ADAMTS6: variants seen among roughly 807,000 people sequenced by gnomAD.
The protein encoded by ADAMTS6 is A disintegrin and metalloproteinase with thrombospondin motifs 6.
ADAMTS6 carries 23 observed loss-of-function variants against 144.3 expected under a neutral mutation model. The observed-to-expected ratio is 0.16, with a 90% CI of 0.11 to 0.23. The LOEUF (loss-of-function observed/expected upper bound fraction) is 0.23, where lower values mean the gene tolerates loss of function less well. Ranked by LOEUF, ADAMTS6 falls within the 10% of genes least tolerant of loss-of-function variation. The probability of loss-of-function intolerance (pLI) is 1.00; values close to 1 mark genes in which losing one functional copy is unlikely to be tolerated. For missense variants in ADAMTS6, 999 were observed against 1,379.6 expected, an observed-to-expected ratio of 0.72 and a Z score of 4.37; for synonymous variants, 444 against 457.5, an observed-to-expected ratio of 0.97 and a Z score of 0.38.
intron 9 of ADAMTS6, among the ~76,000 whole-genome samples, 196 bp downstream of exon 9, chr5:65,329,182 T>C (rs1580409885): frequency 6.6e-6 from 1 of 152,180 alleles, no homozygotes; most frequent in East Asian, 1.9e-4. Flanking sequence ...TACTACTCTT[T>C]GAATAACAAA....
At chr5:65,400,898 G>A (rs566544748) in intron 7 of ADAMTS6, among the ~76,000 whole-genome samples, 7 of 151,944 alleles carry the variant, frequency 4.6e-5, no homozygotes, top group Non-Finnish European at 7.4e-5. Context: ...CTTTCTTTTC[G>A]GCTCTTTCTT....
chr5:65,333,609 T>C (rs1018091087), intron 8 of ADAMTS6, among the ~76,000 whole-genome samples: 11 of 151,784 alleles, frequency 7.2e-5, no homozygotes, highest in African/African-American at 2.7e-4. Flanking sequence ...TCCTTAGTTG[T>C]GTTTTTTTTT....
At chr5:65,313,148 C>T (rs1021598077) in intron 9 of ADAMTS6, among the ~76,000 whole-genome samples, 24 of 125,452 alleles carry the variant, frequency 1.9e-4, no homozygotes, top group Non-Finnish European at 3.4e-4. Context: ...CACACACACA[C>T]ACACACACAC....
chr5:65,439,541 A>G (rs1757711145), intron 7 of ADAMTS6, among the ~76,000 whole-genome samples: 1 of 152,186 alleles, frequency 6.6e-6, no homozygotes, highest in Non-Finnish European at 1.5e-5. Flanking sequence ...AAATTGCTAT[A>G]TACTCTTTTA....
At chr5:65,352,637 C>T (rs1748968907) in intron 7 of ADAMTS6, among the ~76,000 whole-genome samples, 1 of 152,024 alleles carries the variant, frequency 6.6e-6, no homozygotes, top group Non-Finnish European at 1.5e-5. Flanking sequence ...AGGTAAGACA[C>T]AGTAATATCA....
chr5:65,471,831 G>A (rs10061042), intron 2 of ADAMTS6, among the ~76,000 whole-genome samples: 24,891 of 151,858 alleles, frequency 0.16, 3,978 homozygotes, highest in African/African-American at 0.42. Context: ...ACCACTTTGA[G>A]AAACAGTCTG....
At chr5:65,174,968 C>T (rs1201405342) in intron 22 of ADAMTS6, among the ~76,000 whole-genome samples, 1 of 152,054 alleles carries the variant, frequency 6.6e-6, no homozygotes, top group Non-Finnish European at 1.5e-5. Flanking sequence ...ATAGACTGGC[C>T]AGCATTAGAG....
intron 24 of ADAMTS6, among the ~76,000 whole-genome samples, chr5:65,154,743 G>A (rs557819839): frequency 9.0e-4 from 137 of 152,318 alleles, no homozygotes; most frequent in African/African-American, 3.0e-3. Context: ...CATGGCACCT[G>A]GCTCAGAGTA....
chr5:65,257,562 G>A (rs550469005), intron 14 of ADAMTS6, among the ~76,000 whole-genome samples: 1 of 152,138 alleles, frequency 6.6e-6, no homozygotes, highest in Admixed American at 6.5e-5. Flanking sequence ...CGTTTTTCTT[G>A]ATTTATTGTT....
intron 24 of ADAMTS6, among the ~76,000 whole-genome samples, chr5:65,158,840 G>C (rs753424073): frequency 2.6e-5 from 4 of 151,966 alleles, no homozygotes; most frequent in Non-Finnish European, 5.9e-5. Context: ...TTTCCCTCTT[G>C]CTATTTTAAT....
chr5:65,227,844 G>A (rs1242762751), intron 15 of ADAMTS6, among the ~76,000 whole-genome samples: 1 of 151,856 alleles, frequency 6.6e-6, no homozygotes, highest in Non-Finnish European at 1.5e-5. Flanking sequence ...TCAAAGTTTT[G>A]TTACAAAAAA....
intron 9 of ADAMTS6, among the ~76,000 whole-genome samples, chr5:65,320,409 A>T (rs370674410): frequency 6.6e-6 from 1 of 152,212 alleles, no homozygotes; most frequent in East Asian, 1.9e-4. Flanking sequence ...TAATAAAGAA[A>T]TTAAATTTTT....
chr5:65,374,364 T>A (rs953616807), intron 7 of ADAMTS6, among the ~76,000 whole-genome samples: 1 of 149,020 alleles, frequency 6.7e-6, no homozygotes, highest in South Asian at 2.1e-4. Flanking sequence ...AAAACCCCAC[T>A]GTCTCAGCCC....
chr5:65,274,260 G>T (rs1188087143), intron 11 of ADAMTS6, among the ~76,000 whole-genome samples: 1 of 151,834 alleles, frequency 6.6e-6, no homozygotes, highest in Non-Finnish European at 1.5e-5. Context: ...TACATAAAGG[G>T]TTTCAACCGC....
chr5:65,437,207 G>T (rs189934290), intron 7 of ADAMTS6, among the ~76,000 whole-genome samples: 7 of 151,350 alleles, frequency 4.6e-5, no homozygotes, highest in African/African-American at 1.7e-4. Flanking sequence ...CCATTCTTCT[G>T]CCTCAGCCTC....
intron 9 of ADAMTS6, among the ~76,000 whole-genome samples, chr5:65,305,608 C>G (rs1743866750): frequency 6.6e-6 from 1 of 152,130 alleles, no homozygotes; most frequent in Admixed American, 6.5e-5. Flanking sequence ...ACCTCGGGCC[C>G]ACCCCAATGG....
intron 9 of ADAMTS6, among the ~76,000 whole-genome samples, chr5:65,315,819 T>C (rs1744936027): frequency 1.3e-5 from 2 of 152,186 alleles, no homozygotes; most frequent in Admixed American, 6.5e-5. Context: ...TTAGTGTGTA[T>C]GCACCTAACA....
intron 14 of ADAMTS6, among the ~76,000 whole-genome samples, chr5:65,257,685 C>G (rs905292429): frequency 6.6e-6 from 1 of 152,184 alleles, no homozygotes; most frequent in Non-Finnish European, 1.5e-5. Flanking sequence ...GCCTCTAGGC[C>G]TTGCACTTAA....
intron 11 of ADAMTS6, among the ~76,000 whole-genome samples, chr5:65,281,832 A>G (rs1763010787): frequency 1.3e-5 from 2 of 152,150 alleles, no homozygotes; most frequent in African/African-American, 4.8e-5. Flanking sequence ...TTTTTTGATC[A>G]GAATGGAATG....
Sources: gnomAD v4.1 joint callset for allele counts (sites outside exome capture counted in the v4.1 genomes callset) on GRCh38, gnomAD v4.1.1 for gene constraint, MANE v1.5 for transcripts, NCBI Gene and HGNC (gene_info 2026-07-23, HGNC 2026-07-21) for gene names.